The following DLG2 variants were observed in gnomAD, a reference collection of about 807,000 sequenced individuals.
DLG2 encodes the protein discs large MAGUK scaffold protein 2.
DLG2 carries 45 observed loss-of-function variants against 132.5 expected under a neutral mutation model. The observed-to-expected ratio is 0.34, with a 90% CI of 0.27 to 0.44. The LOEUF is 0.44. Among genes scored for constraint, DLG2 ranks in the 20% least tolerant of loss-of-function variants. The pLI is 1.00. For missense variants in DLG2, 1,045 were observed against 1,196.9 expected, an observed-to-expected ratio of 0.87 and a Z score of 1.87; for synonymous variants, 424 against 419.6, an observed-to-expected ratio of 1.01 and a Z score of -0.13.
chr11:84,940,507 G>A (rs1037067749), intron 6 of DLG2, among the ~76,000 whole-genome samples: 29 of 152,110 alleles, frequency 1.9e-4, no homozygotes, highest in Admixed American at 1.8e-3. Flanking sequence ...ATACCTATTT[G>A]CCATTTGTGT....
intron 6 of DLG2, among the ~76,000 whole-genome samples, chr11:84,798,772 C>T (rs1376114914): frequency 6.6e-6 from 1 of 152,212 alleles, no homozygotes; most frequent in Non-Finnish European, 1.5e-5. Flanking sequence ...CCCAAGGGCA[C>T]TTTAGCCATC....
intron 7 of DLG2, among the ~76,000 whole-genome samples, chr11:84,326,047 T>C (rs2098429679): frequency 6.6e-6 from 1 of 152,084 alleles, no homozygotes; most frequent in South Asian, 2.1e-4. Flanking sequence ...CCCAGTATTC[T>C]TATAGTCCTT....
At chr11:84,373,307 C>G (rs559336854) in intron 7 of DLG2, among the ~76,000 whole-genome samples, 3 of 144,242 alleles carry the variant, frequency 2.1e-5, no homozygotes, top group Non-Finnish European at 4.5e-5. Context: ...CGGTGGCTCA[C>G]GCCTGTAATC....
At chr11:85,371,951 A>G (rs567813094) in intron 3 of DLG2, among the ~76,000 whole-genome samples, 1 of 152,252 alleles carries the variant, frequency 6.6e-6, no homozygotes, top group Non-Finnish European at 1.5e-5. Context: ...CAGTCCTGAC[A>G]TAATTTGTTT....
chr11:84,663,520 T>G (rs901133220), intron 6 of DLG2, among the ~76,000 whole-genome samples: 13 of 152,098 alleles, frequency 8.5e-5, no homozygotes, highest in African/African-American at 2.9e-4. Context: ...CAGCAAATAT[T>G]TGTTGAAAAA....
intron 3 of DLG2, among the ~76,000 whole-genome samples, chr11:85,496,539 C>T (rs1319030270): frequency 2.0e-5 from 3 of 152,134 alleles, no homozygotes; most frequent in African/African-American, 7.2e-5. Flanking sequence ...CTTAAACGTC[C>T]CTGCTGGACA....
At chr11:84,741,155 C>A (rs916026082) in intron 6 of DLG2, among the ~76,000 whole-genome samples, 6 of 149,748 alleles carry the variant, frequency 4.0e-5, no homozygotes, top group Admixed American at 6.7e-5. Context: ...CAAGCTCCGC[C>A]TTCCGGGTTC....
At chr11:85,136,987 A>C (rs1336175846) in intron 5 of DLG2, among the ~76,000 whole-genome samples, 6 of 152,020 alleles carry the variant, frequency 3.9e-5, no homozygotes, top group African/African-American at 1.4e-4. Context: ...ATTTATATTA[A>C]TTATATACAT....
chr11:84,683,994 G>A (rs774725392), intron 6 of DLG2, among the ~76,000 whole-genome samples: 6 of 152,164 alleles, frequency 3.9e-5, no homozygotes, highest in Non-Finnish European at 7.3e-5. Context: ...GAAAACATCT[G>A]ATTTAGCTTG....
intron 6 of DLG2, among the ~76,000 whole-genome samples, chr11:84,554,885 G>A (rs1420869571): frequency 6.6e-6 from 1 of 152,192 alleles, no homozygotes; most frequent in Non-Finnish European, 1.5e-5. Flanking sequence ...TCAGAGGAAT[G>A]AGAATATCTC....
intron 16 of DLG2, among the ~76,000 whole-genome samples, chr11:83,838,159 G>T (rs1267240649): frequency 6.6e-6 from 1 of 152,084 alleles, no homozygotes; most frequent in African/African-American, 2.4e-5. Flanking sequence ...AAAATGAAAG[G>T]TATACTGATT....
chr11:84,129,265 A>T (rs1414938453), intron 9 of DLG2, among the ~76,000 whole-genome samples: 12 of 152,232 alleles, frequency 7.9e-5, no homozygotes, highest in Middle Eastern at 3.4e-3. Flanking sequence ...CAAAGGGTGA[A>T]GTCCCTGCAG....
chr11:85,246,179 A>C (rs1016002844), intron 4 of DLG2, among the ~76,000 whole-genome samples: 2 of 152,024 alleles, frequency 1.3e-5, no homozygotes, highest in African/African-American at 4.8e-5. Flanking sequence ...GTTGTATTTC[A>C]AATGCCTATA....
chr11:83,753,653 A>T (rs2093437299), intron 18 of DLG2, among the ~76,000 whole-genome samples: 1 of 139,634 alleles, frequency 7.2e-6, no homozygotes, highest in African/African-American at 2.9e-5. Context: ...TATATCAATA[A>T]ATATATATAT....
chr11:85,398,899 A>G (rs1208224927), intron 3 of DLG2, among the ~76,000 whole-genome samples: 2 of 152,158 alleles, frequency 1.3e-5, no homozygotes, highest in African/African-American at 2.4e-5. Context: ...CAATAGAAAA[A>G]GAGGGAATTC....
intron 6 of DLG2, among the ~76,000 whole-genome samples, chr11:84,908,313 T>A (rs2091742471): frequency 6.6e-6 from 1 of 152,188 alleles, no homozygotes; most frequent in Non-Finnish European, 1.5e-5. Flanking sequence ...ATGAGATACT[T>A]CATTTTTTCA....
At chr11:85,314,218 G>C (rs902258790) in intron 3 of DLG2, among the ~76,000 whole-genome samples, 1 of 151,814 alleles carries the variant, frequency 6.6e-6, no homozygotes, top group Admixed American at 6.6e-5. Context: ...AAAACACAAA[G>C]TAATTAACTG....
At chr11:83,797,245 A>AT (rs1594565360) in intron 17 of DLG2, among the ~76,000 whole-genome samples, 5 of 150,916 alleles carry the variant, frequency 3.3e-5, no homozygotes, top group East Asian at 3.9e-4. Context: ...AAGAAGAAGA[A>AT]GATGATGATG....
chr11:84,694,492 T>C (rs889890577), intron 6 of DLG2, among the ~76,000 whole-genome samples: 3 of 151,530 alleles, frequency 2.0e-5, no homozygotes, highest in African/African-American at 4.8e-5. Flanking sequence ...ATTATTCTGA[T>C]GTAGGTATTT....
Sources: gnomAD v4.1 joint callset for allele counts (sites outside exome capture counted in the v4.1 genomes callset) on GRCh38, gnomAD v4.1.1 for gene constraint, MANE v1.5 for transcripts, NCBI Gene and HGNC (gene_info 2026-07-23, HGNC 2026-07-21) for gene names.